Variants in METTL15 observed in about 807,000 individuals in gnomAD.
The protein encoded by METTL15 is methyltransferase 15, mitochondrial 12S rRNA N4-cytidine.
Under a neutral mutation model 38.3 loss-of-function variants are expected in METTL15, and 34 were observed. That is an observed-to-expected ratio of 0.89 (90% CI 0.68 to 1.18). The LOEUF (loss-of-function observed/expected upper bound fraction) is 1.18, where lower values mean the gene tolerates loss of function less well. Among genes scored for constraint, METTL15 ranks in the 50% most tolerant of loss-of-function variants. METTL15 has a pLI of 0.00. For missense variants in METTL15, 438 were observed against 498.4 expected, an observed-to-expected ratio of 0.88 and a Z score of 1.15; for synonymous variants, 162 against 170.9, an observed-to-expected ratio of 0.95 and a Z score of 0.41.
chr11:28,356,254 C>G (rs774185245), intron 4 of METTL15, among the ~76,000 whole-genome samples: 4 of 152,176 alleles, frequency 2.6e-5, no homozygotes, highest in Admixed American at 6.5e-5. Context: ...GTATTTGCTT[C>G]ACTATTTTCG....
chr11:28,371,029 C>A (rs1009728315), intron 5 of METTL15, among the ~76,000 whole-genome samples: 1 of 151,848 alleles, frequency 6.6e-6, no homozygotes, highest in African/African-American at 2.4e-5. Context: ...TGATTGTTTT[C>A]TTTGCTCTAC....
At chr11:28,397,041 T>C (rs1234495894) in intron 5 of METTL15, among the ~76,000 whole-genome samples, 2 of 152,108 alleles carry the variant, frequency 1.3e-5, no homozygotes, top group African/African-American at 4.8e-5. Flanking sequence ...TAGCCATATG[T>C]AGAAAGCTGA....
At chr11:28,343,086 T>C (rs978794530) in intron 3 of METTL15, among the ~76,000 whole-genome samples, 4 of 152,194 alleles carry the variant, frequency 2.6e-5, no homozygotes, top group Non-Finnish European at 5.9e-5. Flanking sequence ...TGTAAAATTA[T>C]TGTTTTCATA....
chr11:28,423,881 T>C (rs1408900251), intron 5 of METTL15, among the ~76,000 whole-genome samples: 3 of 152,264 alleles, frequency 2.0e-5, no homozygotes, highest in Non-Finnish European at 4.4e-5. Context: ...ACACAAAAGA[T>C]AAATGTGTGA....
At chr11:28,489,529 G>C (rs1019721648) in intron 6 of METTL15, among the ~76,000 whole-genome samples, 5 of 152,014 alleles carry the variant, frequency 3.3e-5, no homozygotes, top group Admixed American at 6.6e-5. Context: ...TCCATAGGAG[G>C]GGGTCTGAAA....
intron 4 of METTL15, among the ~76,000 whole-genome samples, chr11:28,247,120 C>A (rs1365479099): frequency 6.6e-6 from 1 of 151,996 alleles, no homozygotes; most frequent in African/African-American, 2.4e-5. Flanking sequence ...AATACCGTAT[C>A]AAGTATTTCT....
At chr11:28,442,101 T>C (rs1851039935) in intron 6 of METTL15, among the ~76,000 whole-genome samples, 1 of 152,174 alleles carries the variant, frequency 6.6e-6, no homozygotes, top group African/African-American at 2.4e-5. Flanking sequence ...GAGGCTCTTG[T>C]TATAATGGGT....
At chr11:28,217,889 G>T (rs1852975398) in intron 4 of METTL15, among the ~76,000 whole-genome samples, 1 of 152,108 alleles carries the variant, frequency 6.6e-6, no homozygotes. Context: ...CATTTTTTCT[G>T]AGGGCTCTAT....
chr11:28,385,645 A>G (rs1564915197), intron 5 of METTL15, among the ~76,000 whole-genome samples: 1 of 152,248 alleles, frequency 6.6e-6, no homozygotes, highest in Admixed American at 6.5e-5. Context: ...AAAAGGTTCC[A>G]TGTGAATTTT....
intron 3 of METTL15, among the ~76,000 whole-genome samples, chr11:28,178,248 A>G (rs533145577): frequency 6.6e-6 from 1 of 152,084 alleles, no homozygotes; most frequent in Admixed American, 6.6e-5. Context: ...GTGGCAATAT[A>G]TCATTAACAT....
intron 3 of METTL15, among the ~76,000 whole-genome samples, chr11:28,165,327 A>G (rs896989536): frequency 1.3e-5 from 2 of 152,216 alleles, no homozygotes; most frequent in Admixed American, 6.5e-5. Context: ...TTATTTCCAC[A>G]TCCTCGAAAA....
chr11:28,272,044 C>T (rs1463964866), intron 4 of METTL15, among the ~76,000 whole-genome samples: 3 of 151,988 alleles, frequency 2.0e-5, no homozygotes, highest in African/African-American at 4.8e-5. Context: ...GTTAGAATGG[C>T]GATCATTAAA....
intron 3 of METTL15, among the ~76,000 whole-genome samples, chr11:28,136,162 A>T (rs989885641): frequency 6.6e-6 from 1 of 152,144 alleles, no homozygotes; most frequent in Non-Finnish European, 1.5e-5. Flanking sequence ...TGGACAAAGA[A>T]ATTTGTTTAT....
intron 3 of METTL15, among the ~76,000 whole-genome samples, chr11:28,122,333 ATGTGTG>A (rs61147516): frequency 7.4e-4 from 83 of 112,094 alleles, no homozygotes; most frequent in African/African-American, 2.4e-3. Flanking sequence ...ATGTGTGTAT[ATGTGTG>A]TGTGTGTGTG....
chr11:28,296,646 C>T (rs1220317910), intron 5 of METTL15, 107 bp from the exon 6 acceptor site: 1 of 1,180,540 alleles, frequency 8.5e-7, no homozygotes, highest in Non-Finnish European at 1.2e-6. Context: ...CCTCACTTCT[C>T]CTAGAGTATG....
chr11:28,398,624 G>A (rs1008672247), intron 5 of METTL15, among the ~76,000 whole-genome samples: 3 of 152,216 alleles, frequency 2.0e-5, no homozygotes, highest in Non-Finnish European at 4.4e-5. Flanking sequence ...TCTGTAGGTT[G>A]CCTATTCACT....
At chr11:28,274,260 T>G (rs1165478795) in intron 4 of METTL15, among the ~76,000 whole-genome samples, 3 of 152,104 alleles carry the variant, frequency 2.0e-5, no homozygotes, top group Non-Finnish European at 4.4e-5. Context: ...TAAGTTTTAA[T>G]GAACTTTTTT....
At chr11:28,371,202 T>C (rs953241495) in intron 5 of METTL15, among the ~76,000 whole-genome samples, 1 of 152,072 alleles carries the variant, frequency 6.6e-6, no homozygotes, top group Non-Finnish European at 1.5e-5. Context: ...CATTTTGATT[T>C]GATTTTTGAG....
chr11:28,223,157 CTT>C (rs1853320773), intron 4 of METTL15, among the ~76,000 whole-genome samples: 1 of 152,012 alleles, frequency 6.6e-6, no homozygotes, highest in Non-Finnish European at 1.5e-5. Context: ...TTCCTACAAA[CTT>C]TATATATACA....
Sources: gnomAD v4.1 joint callset for allele counts (sites outside exome capture counted in the v4.1 genomes callset) on GRCh38, gnomAD v4.1.1 for gene constraint, MANE v1.5 for transcripts, NCBI Gene and HGNC (gene_info 2026-07-23, HGNC 2026-07-21) for gene names.